Variants in POGLUT3 observed in about 807,000 individuals in gnomAD.
POGLUT3 encodes protein O-glucosyltransferase 3, also known as KDEL (Lys-Asp-Glu-Leu) containing 2.
A neutral mutation model predicts 54.3 loss-of-function variants in POGLUT3; 48 were observed. The ratio of observed to expected loss-of-function variants is 0.88; its 90% CI spans 0.70 to 1.12. The LOEUF is 1.12. Ranked by LOEUF, POGLUT3 falls within the 50% of genes most tolerant of loss-of-function variation. The pLI is 0.00. For synonymous variants in POGLUT3, 218 were observed against 237.4 expected (o/e 0.92, Z 0.75); for missense variants, 629 against 618.7 (o/e 1.02, Z -0.18).
intron 1 of POGLUT3, among the ~76,000 whole-genome samples, chr11:108,495,778 C>T (rs1465661119): frequency 6.6e-6 from 1 of 152,006 alleles, no homozygotes; most frequent in African/African-American, 2.4e-5. Flanking sequence ...TCTGCCTCAG[C>T]CTCCCAAGTA....
intron 2 of POGLUT3, among the ~76,000 whole-genome samples, chr11:108,487,767 A>G (rs890492377): frequency 1.3e-5 from 2 of 151,396 alleles, no homozygotes; most frequent in African/African-American, 4.9e-5. Context: ...GTGCACCACC[A>G]TGTTTGGCTA....
intron 1 of POGLUT3, among the ~76,000 whole-genome samples, chr11:108,497,258 G>A (rs149916866): frequency 1.3e-5 from 2 of 152,330 alleles, no homozygotes; most frequent in East Asian, 3.9e-4. Flanking sequence ...AAATCTAAAA[G>A]TGAATTATGT....
intron 2 of POGLUT3, among the ~76,000 whole-genome samples, chr11:108,490,288 C>T (rs2093610815): frequency 6.6e-6 from 1 of 152,174 alleles, no homozygotes; most frequent in African/African-American, 2.4e-5. Flanking sequence ...ACCTCCACCT[C>T]CCGGGTTCAA....
rs1383147121 is a variant in POGLUT3 at position 108,487,693 on chromosome 11, C to T, written c.401-1253G>A. Among the ~76,000 whole-genome samples the T allele has an allele frequency of 1.3e-5, 2 of 152,068 alleles. 1 individual carries two copies. Among genetic ancestry groups the T allele is most frequent in the East Asian group, 3.9e-4 (2 of 5,182 alleles). ...GTGGCGTGATCTCGGCTCACTGCAA[C>T]CTCCTCCTCCCATGCTCAAGTGATT... On this transcript the variant is annotated intron_variant, in intron 2 of 7. Coordinates refer to ENST00000323468, the MANE Select transcript of POGLUT3 (RefSeq NM_153705.5).
chr11:108,481,521 C>A (rs535451955), intron 4 of POGLUT3, 145 bp from the exon 5 acceptor site: 6 of 586,828 alleles, frequency 1.0e-5, no homozygotes, highest in African/African-American at 1.9e-5. Context: ...GTTATTTCAA[C>A]GAAAATATGG....
chr11:108,489,280 G>A (rs542198773), intron 2 of POGLUT3, among the ~76,000 whole-genome samples: 2 of 152,292 alleles, frequency 1.3e-5, no homozygotes, highest in African/African-American at 4.8e-5. Context: ...TTGAAGGTAA[G>A]GTGGAATGGA....
chr11:108,479,225 T>C, intron 6 of POGLUT3, 76 bp downstream of exon 6: 1 of 953,024 alleles, frequency 1.0e-6, no homozygotes, highest in Non-Finnish European at 1.5e-6. Flanking sequence ...TCAAATCAAA[T>C]TGTATTGTGA....
In POGLUT3 at chr11:108,481,070, T is replaced by C. The variant is rs947036315; in HGVS notation, c.1098+110A>G. The C allele has an allele frequency of 8.0e-6, 6 of 752,418 alleles. No homozygotes were observed. The African/African-American group carries it at 1.1e-4, about 13-fold the overall frequency. 46.6% of individuals were successfully genotyped at this position (752,418 alleles called of 1,614,324 possible). ...GATATCTAATAAGAAAGTGTGAACA[T>C]GTGTGTCAGTTCACAAGCCAGGTGA... On this transcript the variant is annotated intron_variant, in intron 5 of 7. Transcript: ENST00000323468.
chr11:108,484,932 G>A (rs2135854873), intron 3 of POGLUT3, among the ~76,000 whole-genome samples: 1 of 152,068 alleles, frequency 6.6e-6, no homozygotes, highest in East Asian at 1.9e-4. Flanking sequence ...GGAAAGAGAG[G>A]CTGAATAGTG....
chr11:108,477,752 C>T, intron 6 of POGLUT3, 41 bp from the exon 7 acceptor site: 2 of 1,289,832 alleles, frequency 1.6e-6, no homozygotes, highest in African/African-American at 1.5e-5. Context: ...AAAATTACTA[C>T]TGCGACCCAC....
chr11:108,474,729 T>G lies in POGLUT3; in HGVS notation c.*98A>C. The G allele has an allele frequency of 7.1e-7, 1 of 1,402,424 alleles. No individual in the cohort carries two copies. The highest frequency in any genetic ancestry group is 1.3e-5 in the South Asian group (1 of 74,836). 86.9% of individuals were successfully genotyped at this position (1,402,424 alleles called of 1,614,324 possible). A position where few individuals can be genotyped will look rare whatever the true frequency, so the allele number is the denominator to read the frequency against. ...TATATAAAGCCACCGGGAGAACTAG[T>G]CCACTTGGTGCAGTCTTCTATACTG... On this transcript the variant is annotated 3_prime_UTR_variant, in exon 8 of 8. Coordinates refer to ENST00000323468, the MANE Select transcript of POGLUT3 (RefSeq NM_153705.5).
At chr11:108,475,450 T>C (rs11212661) in intron 7 of POGLUT3, among the ~76,000 whole-genome samples, 52,809 of 143,980 alleles carry the variant, frequency 0.37, 10,350 homozygotes, top group East Asian at 0.52. Flanking sequence ...TTTCTATAAA[T>C]GGAGTTTTTT....
In POGLUT3 at chr11:108,481,177, T is replaced by C; in HGVS notation, c.1098+3A>G. Reference sequence around the variant, plus strand: ...ATCCATAGAAGAAGACTCAAATGCATACCTTAAAGAAATCAAAGAAACCCA... The same window carrying C: ...ATCCATAGAAGAAGACTCAAATGCACACCTTAAAGAAATCAAAGAAACCCA... On this transcript the variant is annotated splice_donor_region_variant and intron_variant, in intron 5 of 7. Coordinates refer to ENST00000323468, the MANE Select transcript of POGLUT3 (RefSeq NM_153705.5). The C allele has an allele frequency of 6.3e-7, 1 of 1,597,338 alleles. No individual in the cohort carries two copies. Among genetic ancestry groups the C allele is most frequent in the Non-Finnish European group, 8.5e-7 (1 of 1,174,622 alleles).
intron 1 of POGLUT3, among the ~76,000 whole-genome samples, 153 bp downstream of exon 1, chr11:108,498,012 T>C (rs1406199210): frequency 2.0e-5 from 3 of 151,988 alleles, no homozygotes; most frequent in Non-Finnish European, 4.4e-5. Context: ...GCTTTGAGTA[T>C]GGGCGGGAGG....
At chr11:108,477,821 A>C in intron 6 of POGLUT3, 110 bp from the exon 7 acceptor site, 1 of 741,458 alleles carries the variant, frequency 1.3e-6, no homozygotes, top group Non-Finnish European at 2.4e-6. Flanking sequence ...ACAGCATGGG[A>C]AAGCCAGAAC....
intron 3 of POGLUT3, among the ~76,000 whole-genome samples, chr11:108,485,610 G>A (rs893573379): frequency 1.3e-5 from 2 of 151,858 alleles, no homozygotes; most frequent in Non-Finnish European, 2.9e-5. Flanking sequence ...ACCTACCTGG[G>A]ATGGGGGCTC....
chr11:108,482,671 G>A (rs2093595149), intron 3 of POGLUT3, among the ~76,000 whole-genome samples: 1 of 152,060 alleles, frequency 6.6e-6, no homozygotes, highest in East Asian at 1.9e-4. Flanking sequence ...GCTTGAACCT[G>A]GGAGGCAGAG....
In POGLUT3 at chr11:108,498,275, C is replaced by T. The variant is rs1297310409; in HGVS notation, c.92G>A (p.Arg31Gln). The change falls in exon 1 of 8, where the codon CGG (arginine) becomes CAG (glutamine). Residue 31 changes from arginine (R) to glutamine (Q), a missense_variant. Physicochemically the swap from Arg to Gln is conservative, Grantham distance 43. Transcript: ENST00000323468. ...CAGCCCGGGCCCCCACACCAGGCTCCGCGGCGCGCTGACCAGCACCTCCGG... is the reference window on the plus strand; with the variant it reads ...CAGCCCGGGCCCCCACACCAGGCTCTGCGGCGCGCTGACCAGCACCTCCGG... The part of the protein sequence containing the change: ...GAPEVLVSAP[R>Q]SLVWGPGLQA... 3 of 1,492,676 alleles carry T rather than the reference C, an allele frequency of 2.0e-6. No homozygotes were observed. Among genetic ancestry groups the T allele is most frequent in the Non-Finnish European group, 8.9e-7 (1 of 1,121,026 alleles). The allele number at this position is 1,492,676 out of a possible 1,614,324, so 92.5% of individuals were successfully genotyped here.
chr11:108,483,465 A>G (rs2093596597), intron 3 of POGLUT3, among the ~76,000 whole-genome samples: 1 of 152,102 alleles, frequency 6.6e-6, no homozygotes. Flanking sequence ...GCCTATCATC[A>G]TATTGGGATA....
Sources: allele counts gnomAD v4.1 joint callset (sites outside exome capture counted in the v4.1 genomes callset), GRCh38; gene constraint gnomAD v4.1.1; transcripts MANE v1.5; gene names NCBI Gene and HGNC (gene_info 2026-07-23, HGNC 2026-07-21).